MYRFL: variants seen among roughly 807,000 people sequenced by gnomAD.
MYRFL encodes myelin regulatory factor-like protein.
In MYRFL, 88 loss-of-function variants were observed where a neutral mutation model predicts 109.4. The ratio of observed to expected loss-of-function variants is 0.80; its 90% CI spans 0.68 to 0.96. The LOEUF is 0.96. MYRFL is among the 40% of genes least tolerant of loss of function. The pLI is 0.00. For missense variants in MYRFL, 957 were observed against 954.9 expected (o/e 1.00, Z -0.03); for synonymous variants, 324 against 320.9 (o/e 1.01, Z -0.10).
chr12:69,864,379 A>G (rs750581417), intron 2 of MYRFL, among the ~76,000 whole-genome samples: 5 of 150,854 alleles, frequency 3.3e-5, no homozygotes, highest in South Asian at 2.1e-4. Flanking sequence ...GATAATTTCT[A>G]TTGATTTGAC....
intron 1 of MYRFL, among the ~76,000 whole-genome samples, chr12:69,842,046 G>T (rs764178352): frequency 2.6e-5 from 4 of 152,206 alleles, no homozygotes; most frequent in Non-Finnish European, 5.9e-5. Context: ...CAGCAAAGAT[G>T]TAAGCCCTAG....
chr12:69,866,607 C>A (rs1885030352), intron 2 of MYRFL, among the ~76,000 whole-genome samples: 1 of 152,104 alleles, frequency 6.6e-6, no homozygotes, highest in South Asian at 2.1e-4. Context: ...CATGTTACTT[C>A]CCCTCTACCA....
intron 2 of MYRFL, among the ~76,000 whole-genome samples, chr12:69,858,240 T>C (rs562811314): frequency 2.9e-4 from 44 of 152,096 alleles, no homozygotes; most frequent in African/African-American, 1.0e-3. Context: ...GATACAATGC[T>C]GGATTCAATT....
At chr12:69,892,841 G>A (rs74101373) in intron 7 of MYRFL, among the ~76,000 whole-genome samples, 1 of 152,030 alleles carries the variant, frequency 6.6e-6, no homozygotes, top group South Asian at 2.1e-4. Flanking sequence ...CCACCATTTG[G>A]TAGCCTATTT....
intron 1 of MYRFL, among the ~76,000 whole-genome samples, chr12:69,853,830 G>A (rs918171124): frequency 1.1e-4 from 17 of 151,460 alleles, no homozygotes; most frequent in Admixed American, 2.0e-4. Context: ...AGACGGGATC[G>A]CGGCCGGGAA....
At chr12:69,896,296 C>T (rs1367701507) in intron 9 of MYRFL, among the ~76,000 whole-genome samples, 1 of 152,174 alleles carries the variant, frequency 6.6e-6, no homozygotes, top group Non-Finnish European at 1.5e-5. Context: ...GTATATGACA[C>T]ACTGAGCTCT....
intron 11 of MYRFL, chr12:69,904,495 C>G (rs1481731022): frequency 6.6e-6 from 1 of 152,206 alleles, no homozygotes; most frequent in African/African-American, 2.4e-5. Flanking sequence ...GTTACGTGAC[C>G]CTGGATAAAA....
At chr12:69,923,898 C>T (rs1954989156) in intron 13 of MYRFL, among the ~76,000 whole-genome samples, 1 of 151,900 alleles carries the variant, frequency 6.6e-6, no homozygotes, top group Admixed American at 6.6e-5. Flanking sequence ...ATTTAAAATA[C>T]CTACATATGG....
In MYRFL at chr12:69,854,309, C is replaced by T. The variant is rs112044951; in HGVS notation, c.47-971C>T. Among the ~76,000 whole-genome samples the T allele has an allele frequency of 9.5e-3, 1,370 of 144,630 alleles. 22 individuals are homozygous for T. The highest frequency in any genetic ancestry group is 0.031 in the African/African-American group (1,251 of 39,734). The allele number at this position is 144,630 out of a possible 152,430, so 94.9% of individuals were successfully genotyped here. A position where few individuals can be genotyped will look rare whatever the true frequency, so the allele number is the denominator to read the frequency against. On this transcript the variant is annotated intron_variant, in intron 1 of 24. Transcript: ENST00000552032. ...AGATGGCGGCAGCACAGTCCAGCCT[C>T]GGCTGGGCATCAGAGGGAGACCGTG...
At chr12:69,856,100 T>C (rs1884266620) in intron 2 of MYRFL, among the ~76,000 whole-genome samples, 1 of 152,148 alleles carries the variant, frequency 6.6e-6, no homozygotes, top group South Asian at 2.1e-4. Context: ...ATCTACACTG[T>C]CCCCTGGTAA....
At chr12:69,852,388 G>A (rs1412087571) in intron 1 of MYRFL, among the ~76,000 whole-genome samples, 1 of 151,384 alleles carries the variant, frequency 6.6e-6, no homozygotes, top group Non-Finnish European at 1.5e-5. Flanking sequence ...TGGTTATTTT[G>A]AATAAAATCT....
intron 16 of MYRFL, among the ~76,000 whole-genome samples, chr12:69,935,206 C>T (rs1040991668): frequency 2.6e-5 from 4 of 151,854 alleles, no homozygotes; most frequent in African/African-American, 9.7e-5. Flanking sequence ...TTTTGTGTAT[C>T]CTAATGATGG....
At chr12:69,867,045 G>T (rs1885057826) in intron 2 of MYRFL, among the ~76,000 whole-genome samples, 1 of 152,238 alleles carries the variant, frequency 6.6e-6, no homozygotes, top group Non-Finnish European at 1.5e-5. Context: ...TGTATGCAGA[G>T]CTGAGGGCCG....
intron 15 of MYRFL, among the ~76,000 whole-genome samples, chr12:69,929,610 C>G (rs932096943): frequency 6.6e-6 from 1 of 152,156 alleles, no homozygotes; most frequent in African/African-American, 2.4e-5. Flanking sequence ...AATAAAGAAG[C>G]CGTGAAGGCA....
At chr12:69,871,339 T>TCTC (rs1270921573) in intron 2 of MYRFL, among the ~76,000 whole-genome samples, 1 of 151,568 alleles carries the variant, frequency 6.6e-6, no homozygotes, top group African/African-American at 2.4e-5. Context: ...TTCACGCCAT[T>TCTC]CTGCCTCAGC....
In MYRFL at chr12:69,955,431, A is replaced by T; in HGVS notation, c.2444A>T (p.Glu815Val). 4.7e-6 allele frequency: 3 copies of T among 639,544 alleles called. No individual in the cohort carries two copies. The highest frequency in any genetic ancestry group is 3.7e-5 in the South Asian group (2 of 54,698). 39.6% of individuals were successfully genotyped at this position (639,544 alleles called of 1,614,324 possible). ...HTPTNVKFSL[E>V]INTTEPLIVF... ...CCCACCAATGTCAAGTTCTCTCTGGAAATAAAGTAAGTGCATGGCTGTAAA... is the reference window on the plus strand; with the variant it reads ...CCCACCAATGTCAAGTTCTCTCTGGTAATAAAGTAAGTGCATGGCTGTAAA... Residue 815 changes from glutamate to valine, a missense_variant, in exon 22 of 25, where the codon GAA (glutamate) becomes GTA (valine). Coordinates refer to ENST00000552032, the MANE Select transcript of MYRFL (RefSeq NM_182530.3).
intron 1 of MYRFL, among the ~76,000 whole-genome samples, chr12:69,844,651 C>G (rs562152350): frequency 5.9e-5 from 9 of 152,266 alleles, no homozygotes; most frequent in Non-Finnish European, 1.2e-4. Flanking sequence ...CACTTACAAG[C>G]TGTGTGACTC....
intron 4 of MYRFL, 116 bp from the exon 5 acceptor site, chr12:69,880,085 T>G (rs932854688): frequency 1.7e-6 from 1 of 602,616 alleles, no homozygotes; most frequent in African/African-American, 1.9e-5. Context: ...TCAAGGAACC[T>G]TAACTAATTG....
intron 19 of MYRFL, among the ~76,000 whole-genome samples, chr12:69,946,158 A>G (rs977539438): frequency 2.2e-4 from 33 of 152,014 alleles, no homozygotes; most frequent in African/African-American, 8.0e-4. Flanking sequence ...GTGTCTGCTC[A>G]TCTTGTTTCT....
Sources: allele counts gnomAD v4.1 joint callset (sites outside exome capture counted in the v4.1 genomes callset), GRCh38; gene constraint gnomAD v4.1.1; transcripts MANE v1.5; gene names NCBI Gene and HGNC (gene_info 2026-07-23, HGNC 2026-07-21).